The following TUBB8 variants were observed in gnomAD, a reference collection of about 807,000 sequenced individuals.
TUBB8 encodes tubulin beta 8 class VIII.
TUBB8 carries 25 observed loss-of-function variants against 33.7 expected under a neutral mutation model. The ratio of observed to expected loss-of-function variants is 0.74; its 90% CI spans 0.54 to 1.04. The LOEUF (loss-of-function observed/expected upper bound fraction) is 1.04, where lower values mean the gene tolerates loss of function less well. TUBB8 is among the 50% of genes least tolerant of loss of function. The pLI is 0.00. For missense variants in TUBB8, 279 were observed against 608.0 expected, an observed-to-expected ratio of 0.46 and a Z score of 5.69; for synonymous variants, 245 against 240.1, an observed-to-expected ratio of 1.02 and a Z score of -0.19.
At chr10:62,514 T>C (rs1261307225) in intron 1 of TUBB8, among the ~76,000 whole-genome samples, 1 of 152,268 alleles carries the variant, frequency 6.6e-6, no homozygotes, top group African/African-American at 2.4e-5. Flanking sequence ...CTCTTTCTAT[T>C]TGAGATTTTT....
At chr10:60,002 TG>T (rs1554740663) in intron 1 of TUBB8, among the ~76,000 whole-genome samples, 1 of 152,142 alleles carries the variant, frequency 6.6e-6, no homozygotes, top group Admixed American at 6.5e-5. Flanking sequence ...TTTATTAATT[TG>T]TATCTTTGTT....
intron 1 of TUBB8, among the ~76,000 whole-genome samples, chr10:58,328 C>T (rs548762045): frequency 6.6e-6 from 1 of 152,358 alleles, no homozygotes; most frequent in South Asian, 2.1e-4. Context: ...ACTCTTCCAA[C>T]CTCTGCCTGT....
rs1380806874 is a variant in TUBB8 at position 47,095 on chromosome 10, C to T, written c.1297G>A (p.Glu433Lys). The T allele has an allele frequency of 1.4e-6, 2 of 1,419,300 alleles. No individual in the cohort carries two copies. The highest frequency in any genetic ancestry group is 2.9e-5 in the African/African-American group (2 of 68,628). The allele number at this position is 1,419,300 out of a possible 1,614,324, so 87.9% of individuals were successfully genotyped here. A position where few individuals can be genotyped will look rare whatever the true frequency, so the allele number is the denominator to read the frequency against. The change falls in exon 4 of 4, where the codon GAG (glutamate) becomes AAG (lysine). Residue 433 changes from glutamate to lysine, a missense_variant. Around this residue, in one of 4 missense-constraint regions of TUBB8, gnomAD observed 123 missense variants for 228.9 expected, o/e 0.54. Coordinates refer to ENST00000568584, the MANE Select transcript of TUBB8 (RefSeq NM_177987.3). ...QQYQDATAEE[E>K]EDEEYAEEEV... ...TCCTCGGCATACTCCTCATCCTCCT[C>T]CTCCTCGGCCGTGGCATCCTGATAT...
At chr10:70,613 G>A (rs1834724388) in intron 1 of TUBB8, among the ~76,000 whole-genome samples, 1 of 152,134 alleles carries the variant, frequency 6.6e-6, no homozygotes, top group Non-Finnish European at 1.5e-5. Context: ...GCCGAGGCGG[G>A]CGGATCAGCT....
At position 47,710 on chromosome 10, in the gene TUBB8, G is replaced by A. The variant is rs782254132; in HGVS notation, c.682C>T (p.Leu228=). The A allele has an allele frequency of 8.7e-6, 14 of 1,612,574 alleles. No homozygotes were observed. In the South Asian group the frequency reaches 1.2e-4, roughly 14 times the overall value. ...ACCCCACTCATGGTAGCAGACACCA[G>A]GTGGTTCAGGTCACCATAGGTGGGT... ...PTPTYGDLNH[L]VSATMSGVTT... Residue 228 remains leucine, a synonymous_variant, in exon 4 of 4, where the codon CTG becomes TTG. Coordinates refer to ENST00000568584, the MANE Select transcript of TUBB8 (RefSeq NM_177987.3).
At chr10:76,427 T>A (rs1239445908), upstream of TUBB8, among the ~76,000 whole-genome samples, 1 of 151,998 alleles carries the variant, frequency 6.6e-6, no homozygotes, top group Admixed American at 6.6e-5. Flanking sequence ...CCGCGCTCGC[T>A]CCGCTGCACT....
intron 1 of TUBB8, among the ~76,000 whole-genome samples, chr10:65,638 T>C (rs1488434864): frequency 5.3e-5 from 8 of 152,192 alleles, no homozygotes; most frequent in African/African-American, 1.9e-4. Flanking sequence ...GGCAGGAGAA[T>C]TGCTTGAACC....
At chr10:49,126 C>A in intron 1 of TUBB8, 56 bp downstream of exon 1, 3 of 1,525,992 alleles carry the variant, frequency 2.0e-6, no homozygotes, top group South Asian at 1.2e-5. Flanking sequence ...ACTGCCAACA[C>A]CTTCCCCGGC....
intron 1 of TUBB8, among the ~76,000 whole-genome samples, chr10:61,168 A>T (rs1377488389): frequency 6.6e-6 from 1 of 152,024 alleles, no homozygotes; most frequent in African/African-American, 2.4e-5. Flanking sequence ...TGGCACATGT[A>T]TACATATGTA....
upstream of TUBB8, chr10:49,332 C>T (rs1243855752): frequency 1.1e-5 from 14 of 1,283,628 alleles, no homozygotes; most frequent in African/African-American, 1.5e-5. Flanking sequence ...TTAAATAGCC[C>T]CGCGCCCACC....
upstream of TUBB8, chr10:50,338 A>G (rs1296717245): frequency 1.3e-5 from 2 of 152,210 alleles, no homozygotes; most frequent in African/African-American, 2.4e-5. Context: ...TGGCATTAGT[A>G]ATTTATTACC....
chr10:72,969 A>C (rs1304139140), intron 1 of TUBB8, among the ~76,000 whole-genome samples: 3 of 145,466 alleles, frequency 2.1e-5, no homozygotes, highest in Non-Finnish European at 4.4e-5. Context: ...AAAATGCTGA[A>C]GGCCAAGGGA....
upstream of TUBB8, among the ~76,000 whole-genome samples, chr10:51,738 T>C (rs1834471357): frequency 6.6e-6 from 1 of 152,022 alleles, no homozygotes; most frequent in Non-Finnish European, 1.5e-5. Flanking sequence ...TCTCCTATTA[T>C]CCACTGCTGC....
intron 1 of TUBB8, among the ~76,000 whole-genome samples, chr10:62,398 C>G (rs1288365126): frequency 6.6e-6 from 1 of 152,226 alleles, no homozygotes; most frequent in Non-Finnish European, 1.5e-5. Context: ...TACACTTTAA[C>G]TCCATTGCCA....
intron 3 of TUBB8, 137 bp downstream of exon 3, chr10:48,478 G>T: frequency 1.2e-6 from 1 of 834,500 alleles, no homozygotes; most frequent in South Asian, 1.4e-5. Flanking sequence ...GAGGCAGATT[G>T]AGCGACTCGA....
At chr10:66,565 C>T (rs1316996296) in intron 1 of TUBB8, among the ~76,000 whole-genome samples, 7 of 152,200 alleles carry the variant, frequency 4.6e-5, no homozygotes, top group African/African-American at 1.7e-4. Context: ...GGGAAGATTG[C>T]TTGAGCCCAG....
chr10:56,075 G>T (rs554981447), intron 1 of TUBB8, among the ~76,000 whole-genome samples: 4 of 152,118 alleles, frequency 2.6e-5, no homozygotes, highest in Admixed American at 2.6e-4. Context: ...GCTTTGGATC[G>T]CATGGACATT....
intron 1 of TUBB8, among the ~76,000 whole-genome samples, chr10:70,779 G>C (rs1255856904): frequency 7.2e-6 from 1 of 139,176 alleles, no homozygotes; most frequent in Non-Finnish European, 1.6e-5. Flanking sequence ...GGAGGCTGCA[G>C]TCAGCCGAGA....
intron 1 of TUBB8, among the ~76,000 whole-genome samples, chr10:57,183 G>C (rs1264557924): frequency 6.6e-6 from 1 of 152,246 alleles, no homozygotes; most frequent in Non-Finnish European, 1.5e-5. Context: ...GGCTTTGCAT[G>C]GTTCAGCCCC....
Sources: allele counts gnomAD v4.1 joint callset (sites outside exome capture counted in the v4.1 genomes callset), GRCh38; gene constraint gnomAD v4.1.1; regional missense constraint gnomAD v4.1.1; transcripts MANE v1.5; gene names NCBI Gene and HGNC (gene_info 2026-07-23, HGNC 2026-07-21).